Variants in KCNIP4 observed in about 807,000 individuals in gnomAD.
KCNIP4 encodes potassium voltage-gated channel interacting protein 4, also known as Kv channel-interacting protein 4.
Under a neutral mutation model 34.0 loss-of-function variants are expected in KCNIP4, and 12 were observed. The observed-to-expected ratio is 0.35, with a 90% CI of 0.23 to 0.57. The LOEUF is 0.57. KCNIP4 is among the 20% of genes least tolerant of loss of function. The pLI, the probability that KCNIP4 is intolerant of heterozygous loss-of-function variation, is 0.83. For missense variants in KCNIP4, 238 were observed against 311.7 expected (o/e 0.76, Z 1.78); for synonymous variants, 124 against 102.2 (o/e 1.21, Z -1.29).
chr4:21,463,413 T>A (rs1361920637), intron 1 of KCNIP4, among the ~76,000 whole-genome samples: 1 of 152,026 alleles, frequency 6.6e-6, no homozygotes, highest in Non-Finnish European at 1.5e-5. Context: ...CTCTCCAACT[T>A]CATACCTCAT....
intron 2 of KCNIP4, 140 bp from the exon 3 acceptor site, chr4:20,850,807 A>G: frequency 3.5e-6 from 3 of 867,808 alleles, no homozygotes; most frequent in Non-Finnish European, 4.9e-6. Flanking sequence ...AATGCCTATA[A>G]GGCCTTTACA....
At chr4:20,892,804 G>A (rs35724565) in intron 1 of KCNIP4, among the ~76,000 whole-genome samples, 5 of 152,180 alleles carry the variant, frequency 3.3e-5, no homozygotes, top group Non-Finnish European at 7.3e-5. Flanking sequence ...TGTACTGGCA[G>A]AACTAGCCAG....
chr4:21,260,220 G>T (rs1174713317), intron 1 of KCNIP4, among the ~76,000 whole-genome samples: 2 of 152,192 alleles, frequency 1.3e-5, no homozygotes, highest in Middle Eastern at 3.4e-3. Flanking sequence ...TTCATAAAAG[G>T]TCAATTTGAA....
At position 21,318,261 on chromosome 4, in the gene KCNIP4, T is replaced by G. The variant is rs1285054737; in HGVS notation, c.62-435552A>C. Among the ~76,000 whole-genome samples, 3 of 152,360 alleles carry G rather than the reference T, an allele frequency of 2.0e-5. No homozygotes were observed. The East Asian group carries it at 5.8e-4, about 29-fold the overall frequency. ...GTAAAGGTTTGCTAGGGAAAAAGAT[T>G]GAAATTAATGGTTAGAATAAGCCTT... On this transcript the variant is annotated intron_variant, in intron 1 of 8. Coordinates refer to ENST00000382152, the MANE Select transcript of KCNIP4 (RefSeq NM_025221.6).
At chr4:21,894,997 C>T (rs904317895) in intron 1 of KCNIP4, among the ~76,000 whole-genome samples, 18 of 152,126 alleles carry the variant, frequency 1.2e-4, no homozygotes, top group African/African-American at 4.3e-4. Context: ...TATCTCTTCT[C>T]TCTTCTTCCC....
rs140035838 is a variant in KCNIP4 at position 21,128,888 on chromosome 4, C to T, written c.62-246179G>A. On this transcript the variant is annotated intron_variant, in intron 1 of 8. Coordinates refer to ENST00000382152, the MANE Select transcript of KCNIP4 (RefSeq NM_025221.6). Reference sequence around the variant, plus strand: ...TAAAAGATTAGTATTTGGAGCCAGGCGCTTACCATTCTAAGCTTTCTTTTC... The same window carrying T: ...TAAAAGATTAGTATTTGGAGCCAGGTGCTTACCATTCTAAGCTTTCTTTTC... 3.9e-4 allele frequency among the ~76,000 whole-genome samples: 59 copies of T among 152,250 alleles called. 1 individual carries two copies. The East Asian group carries it at 7.9e-3, about 20-fold the overall frequency.
intron 5 of KCNIP4, among the ~76,000 whole-genome samples, chr4:20,735,727 G>A (rs1749470067): frequency 6.6e-6 from 1 of 151,866 alleles, no homozygotes; most frequent in African/African-American, 2.4e-5. Flanking sequence ...GGTAGAGATG[G>A]GGTTTCACCA....
intron 1 of KCNIP4, among the ~76,000 whole-genome samples, chr4:21,556,929 A>AAAAAAAAAAAAAAAAAAAAC (rs1739091307): frequency 3.4e-5 from 5 of 147,688 alleles, no homozygotes; most frequent in South Asian, 2.1e-4. Context: ...TCAGAAAAAA[A>AAAAAAAAAAAAAAAAAAAAC]AAAAAAAAAA....
chr4:20,979,482 T>A (rs1298053840), intron 1 of KCNIP4, among the ~76,000 whole-genome samples: 1 of 149,786 alleles, frequency 6.7e-6, no homozygotes, highest in Non-Finnish European at 1.5e-5. Context: ...CACTGCAAGC[T>A]CCGCCTCCCG....
At chr4:20,947,174 T>C (rs1415223556) in intron 1 of KCNIP4, among the ~76,000 whole-genome samples, 1 of 152,106 alleles carries the variant, frequency 6.6e-6, no homozygotes, top group Non-Finnish European at 1.5e-5. Context: ...TTTTTAGTTT[T>C]AGTTTTAGTT....
intron 1 of KCNIP4, among the ~76,000 whole-genome samples, chr4:21,863,033 T>C (rs1725186945): frequency 6.6e-6 from 1 of 152,094 alleles, no homozygotes; most frequent in Admixed American, 6.6e-5. Flanking sequence ...TCCCATACTT[T>C]GGTACTGTTA....
At chr4:21,471,114 A>G (rs1730431917) in intron 1 of KCNIP4, among the ~76,000 whole-genome samples, 1 of 152,160 alleles carries the variant, frequency 6.6e-6, no homozygotes, top group Non-Finnish European at 1.5e-5. Flanking sequence ...ATTGTGGTGC[A>G]TGCTTAAATT....
intron 1 of KCNIP4, among the ~76,000 whole-genome samples, chr4:21,270,546 T>C (rs543499514): frequency 5.3e-5 from 8 of 152,214 alleles, no homozygotes; most frequent in Non-Finnish European, 1.2e-4. Flanking sequence ...TAAGAGTTAT[T>C]ATGCACATGA....
chr4:21,864,160 C>T (rs1725274772), intron 1 of KCNIP4, among the ~76,000 whole-genome samples: 2 of 152,182 alleles, frequency 1.3e-5, no homozygotes, highest in Non-Finnish European at 2.9e-5. Context: ...GTTTTCAGCA[C>T]ACTTTCTCAC....
intron 1 of KCNIP4, among the ~76,000 whole-genome samples, chr4:21,919,553 A>G (rs915851878): frequency 6.6e-6 from 1 of 152,128 alleles, no homozygotes; most frequent in African/African-American, 2.4e-5. Context: ...CCTCCTTGAT[A>G]ACAGAAATAC....
At chr4:21,432,915 T>A (rs775165710) in intron 1 of KCNIP4, among the ~76,000 whole-genome samples, 4 of 152,120 alleles carry the variant, frequency 2.6e-5, no homozygotes, top group Non-Finnish European at 5.9e-5. Context: ...CCAGAATAGA[T>A]GATTATCAAC....
At chr4:21,621,793 A>C (rs1745014948) in intron 1 of KCNIP4, among the ~76,000 whole-genome samples, 1 of 152,154 alleles carries the variant, frequency 6.6e-6, no homozygotes, top group African/African-American at 2.4e-5. Context: ...ACATTATATA[A>C]AAGAAATTGA....
At chr4:20,850,462 G>T (rs1210525795) in intron 3 of KCNIP4, 81 bp downstream of exon 3, 43 of 1,433,542 alleles carry the variant, frequency 3.0e-5, no homozygotes, top group Non-Finnish European at 3.7e-5. Flanking sequence ...CATAGAATGG[G>T]ATATTTTCCC....
chr4:21,754,150 T>C (rs1237025847), intron 1 of KCNIP4, among the ~76,000 whole-genome samples: 1 of 152,218 alleles, frequency 6.6e-6, no homozygotes, highest in African/African-American at 2.4e-5. Flanking sequence ...TTTGGTTTTC[T>C]GTGTCGTTTT....
Sources: gnomAD v4.1 joint callset for allele counts (sites outside exome capture counted in the v4.1 genomes callset) on GRCh38, gnomAD v4.1.1 for gene constraint, MANE v1.5 for transcripts, NCBI Gene and HGNC (gene_info 2026-07-23, HGNC 2026-07-21) for gene names.